The following RBFOX1 variants were observed in gnomAD, a reference collection of about 807,000 sequenced individuals.
RBFOX1 encodes RNA binding protein fox-1 homolog 1.
RBFOX1 carries 8 observed loss-of-function variants against 57.7 expected under a neutral mutation model. The observed-to-expected ratio is 0.14, with a 90% CI of 0.08 to 0.25. The LOEUF (loss-of-function observed/expected upper bound fraction) is 0.25. RBFOX1 is among the 10% of genes least tolerant of loss of function. The probability of loss-of-function intolerance (pLI) is 1.00; values close to 1 mark genes in which losing one functional copy is unlikely to be tolerated. For missense variants in RBFOX1, 611 were observed against 548.5 expected, an observed-to-expected ratio of 1.11 and a Z score of -1.14; for synonymous variants, 326 against 222.4, an observed-to-expected ratio of 1.47 and a Z score of -4.15.
chr16:6,215,426 G>T (rs548241361), intron 1 of RBFOX1, among the ~76,000 whole-genome samples: 1 of 148,170 alleles, frequency 6.7e-6, no homozygotes, highest in African/African-American at 2.5e-5. Context: ...AGGAGAGGGA[G>T]AGGGACAGGG....
At chr16:6,424,605 C>CTGTGTGTGTGTGTACGTG (rs2093870496) in intron 2 of RBFOX1, among the ~76,000 whole-genome samples, 1 of 14,270 alleles carries the variant, frequency 7.0e-5, no homozygotes, top group African/African-American at 2.1e-4. Context: ...CTTAAGAGCA[C>CTGTGTGTGTGTGTACGTG]TGTGTGTGTG....
At chr16:6,132,638 G>C (rs1276571070) in intron 1 of RBFOX1, among the ~76,000 whole-genome samples, 1 of 152,134 alleles carries the variant, frequency 6.6e-6, no homozygotes, top group East Asian at 1.9e-4. Context: ...TAGCGAAGGT[G>C]GCATGGACTG....
intron 3 of RBFOX1, among the ~76,000 whole-genome samples, chr16:6,842,515 C>G (rs2093533165): frequency 6.6e-6 from 1 of 152,022 alleles, no homozygotes; most frequent in African/African-American, 2.4e-5. Context: ...ATATTTTTAT[C>G]CTGCCCTTTT....
chr16:7,200,093 G>C (rs2087931650), intron 4 of RBFOX1, among the ~76,000 whole-genome samples: 1 of 152,230 alleles, frequency 6.6e-6, no homozygotes, highest in South Asian at 2.1e-4. Context: ...ACATAATAGT[G>C]TCAGGGACAT....
chr16:6,666,640 C>G (rs751962280), intron 3 of RBFOX1, among the ~76,000 whole-genome samples: 87 of 152,150 alleles, frequency 5.7e-4, no homozygotes, highest in Admixed American at 8.5e-4. Context: ...GACTCTTAAC[C>G]TCTAGGCTGT....
intron 4 of RBFOX1, among the ~76,000 whole-genome samples, chr16:7,293,188 C>T (rs1001531509): frequency 2.0e-5 from 3 of 152,114 alleles, no homozygotes; most frequent in African/African-American, 7.2e-5. Flanking sequence ...TGTGTCTGTG[C>T]TAAACATGTG....
intron 3 of RBFOX1, among the ~76,000 whole-genome samples, chr16:5,668,772 A>G (rs566088215): frequency 1.3e-5 from 2 of 152,246 alleles, no homozygotes; most frequent in African/African-American, 4.8e-5. Context: ...GGTCTAACAT[A>G]TGAGGTCATT....
intron 1 of RBFOX1, among the ~76,000 whole-genome samples, chr16:6,063,501 ACACACC>A (rs768400013): frequency 0.23 from 13,284 of 58,484 alleles, 844 homozygotes; most frequent in East Asian, 0.36. Flanking sequence ...ACACACACAC[ACACACC>A]CCCTTATATT....
At chr16:5,807,570 C>CTTAA in intron 3 of RBFOX1, among the ~76,000 whole-genome samples, 1 of 152,198 alleles carries the variant, frequency 6.6e-6, no homozygotes. Flanking sequence ...CTCGTTATAA[C>CTTAA]TTAATTGCAT....
chr16:6,141,269 C>G (rs1324850651), intron 1 of RBFOX1, among the ~76,000 whole-genome samples: 2 of 152,202 alleles, frequency 1.3e-5, no homozygotes, highest in African/African-American at 4.8e-5. Context: ...CTAATCCTCC[C>G]TAACACTTTA....
chr16:5,626,114 G>A (rs540683044), intron 3 of RBFOX1, among the ~76,000 whole-genome samples: 63 of 151,712 alleles, frequency 4.2e-4, no homozygotes, highest in Non-Finnish European at 8.0e-4. Flanking sequence ...TCCTGACCTC[G>A]GGTGATCTGC....
At chr16:5,568,889 G>T (rs2046168919) in intron 2 of RBFOX1, among the ~76,000 whole-genome samples, 1 of 152,134 alleles carries the variant, frequency 6.6e-6, no homozygotes, top group Admixed American at 6.5e-5. Flanking sequence ...TGCCCAGGTT[G>T]GAGTGCAGTG....
At chr16:6,427,181 G>C (rs924374842) in intron 2 of RBFOX1, among the ~76,000 whole-genome samples, 2 of 152,198 alleles carry the variant, frequency 1.3e-5, no homozygotes, top group Admixed American at 1.3e-4. Context: ...ATGTTATAAA[G>C]TGAAGGTCTG....
chr16:7,307,642 G>C (rs560022800), intron 4 of RBFOX1, among the ~76,000 whole-genome samples: 1 of 152,132 alleles, frequency 6.6e-6, no homozygotes, highest in Admixed American at 6.5e-5. Context: ...CTACAGTTTA[G>C]AGCTGCAAGG....
At chr16:6,673,455 G>A (rs565580386) in intron 3 of RBFOX1, among the ~76,000 whole-genome samples, 1 of 152,150 alleles carries the variant, frequency 6.6e-6, no homozygotes, top group African/African-American at 2.4e-5. Flanking sequence ...GGGCCTGGTG[G>A]TGCATGCCTG....
intron 4 of RBFOX1, among the ~76,000 whole-genome samples, chr16:7,439,365 TAA>T (rs35247636): frequency 6.3e-4 from 91 of 143,584 alleles, no homozygotes; most frequent in East Asian, 2.3e-3. Flanking sequence ...AAAGGCAGAT[TAA>T]AAAAAAAAAA....
chr16:7,413,576 G>A (rs943140616), intron 4 of RBFOX1, among the ~76,000 whole-genome samples: 1 of 151,722 alleles, frequency 6.6e-6, no homozygotes, highest in East Asian at 1.9e-4. Context: ...TAGATTCCAC[G>A]CTTTGCTGCC....
intron 4 of RBFOX1, among the ~76,000 whole-genome samples, chr16:7,198,486 C>G (rs2087388485): frequency 1.3e-5 from 2 of 152,144 alleles, no homozygotes; most frequent in African/African-American, 4.8e-5. Flanking sequence ...AACAGGAAGA[C>G]AGAGTGTTTT....
intron 4 of RBFOX1, among the ~76,000 whole-genome samples, chr16:7,215,899 A>G (rs2091956712): frequency 6.6e-6 from 1 of 151,636 alleles, no homozygotes; most frequent in South Asian, 2.1e-4. Flanking sequence ...TAATTTTTGT[A>G]TTTTTAGTAG....
Sources: gnomAD v4.1 joint callset for allele counts (sites outside exome capture counted in the v4.1 genomes callset) on GRCh38, gnomAD v4.1.1 for gene constraint, MANE v1.5 for transcripts, NCBI Gene and HGNC (gene_info 2026-07-23, HGNC 2026-07-21) for gene names.